Variants in HIVEP3 observed in about 807,000 individuals in gnomAD.
The protein encoded by HIVEP3 is transcription factor HIVEP3.
HIVEP3 carries 49 observed loss-of-function variants against 152.8 expected under a neutral mutation model. That is an observed-to-expected ratio of 0.32 (90% confidence interval 0.26 to 0.41). The LOEUF is 0.41. Ranked by LOEUF, HIVEP3 falls within the 10% of genes least tolerant of loss-of-function variation. HIVEP3 has a pLI of 1.00. For missense variants in HIVEP3, 2,790 were observed against 3,103.3 expected (o/e 0.90, Z 2.40); for synonymous variants, 1,269 against 1,289.0 (o/e 0.98, Z 0.33).
intron 1 of HIVEP3, among the ~76,000 whole-genome samples, chr1:42,016,932 T>G (rs1557563417): frequency 6.6e-6 from 1 of 152,192 alleles, no homozygotes; most frequent in Admixed American, 6.5e-5. Context: ...AATGTACTGT[T>G]AGGTCAAATA....
At chr1:41,519,923 A>C (rs1368266010) in intron 6 of HIVEP3, among the ~76,000 whole-genome samples, 1 of 151,976 alleles carries the variant, frequency 6.6e-6, no homozygotes, top group Non-Finnish European at 1.5e-5. Context: ...GACGTGGATG[A>C]ATGGAAGAAT....
chr1:41,771,428 G>A (rs769273099), intron 1 of HIVEP3, among the ~76,000 whole-genome samples: 10 of 152,134 alleles, frequency 6.6e-5, no homozygotes, highest in African/African-American at 2.4e-4. Context: ...CCAAATTAAA[G>A]CTTCTCTCCT....
chr1:41,764,808 G>A (rs1026615677), intron 1 of HIVEP3, among the ~76,000 whole-genome samples: 9 of 152,134 alleles, frequency 5.9e-5, no homozygotes, highest in African/African-American at 1.7e-4. Flanking sequence ...TTGACAATCC[G>A]TCAGCTGAGT....
At chr1:41,944,211 A>G (rs1645062576) in intron 1 of HIVEP3, among the ~76,000 whole-genome samples, 1 of 152,240 alleles carries the variant, frequency 6.6e-6, no homozygotes, top group Non-Finnish European at 1.5e-5. Flanking sequence ...ACCAGGTTGC[A>G]CAATATGAAG....
At chr1:41,804,895 T>A (rs1158459726) in intron 1 of HIVEP3, among the ~76,000 whole-genome samples, 1 of 152,054 alleles carries the variant, frequency 6.6e-6, no homozygotes, top group Non-Finnish European at 1.5e-5. Context: ...GGTAAGTAGT[T>A]ACAGGAAAAA....
intron 1 of HIVEP3, among the ~76,000 whole-genome samples, chr1:41,742,048 T>G (rs16828605): frequency 0.025 from 3,769 of 152,310 alleles, 156 homozygotes; most frequent in African/African-American, 0.086. Context: ...GACTTGTAGT[T>G]TAGCCCTGAA....
chr1:41,737,191 CT>C (rs1646931012), intron 1 of HIVEP3, among the ~76,000 whole-genome samples: 1 of 152,184 alleles, frequency 6.6e-6, no homozygotes, highest in Non-Finnish European at 1.5e-5. Flanking sequence ...GCTACGTGGG[CT>C]CAGAAAAGCT....
At chr1:41,759,915 A>G (rs1370406146) in intron 1 of HIVEP3, among the ~76,000 whole-genome samples, 1 of 152,206 alleles carries the variant, frequency 6.6e-6, no homozygotes, top group African/African-American at 2.4e-5. Flanking sequence ...GTGCCATATT[A>G]GAGTAGTAGG....
chr1:41,787,455 C>G (rs931974465), intron 1 of HIVEP3, among the ~76,000 whole-genome samples: 3 of 152,142 alleles, frequency 2.0e-5, no homozygotes, highest in Admixed American at 6.5e-5. Flanking sequence ...ACTTACGCCC[C>G]TTCCATGCAC....
intron 1 of HIVEP3, among the ~76,000 whole-genome samples, chr1:41,768,338 G>A (rs538600697): frequency 3.5e-4 from 54 of 152,222 alleles, no homozygotes; most frequent in African/African-American, 1.3e-3. Context: ...ATTCACTATC[G>A]CAAGAAGAGC....
rs1454681290 is a variant in HIVEP3, at chr1:41,895,323, C to T, written c.-801+23090G>A. On this transcript the variant is annotated intron_variant, in intron 1 of 8. Coordinates refer to ENST00000372583, the MANE Select transcript of HIVEP3 (RefSeq NM_024503.5). ...GTCTCCCTGCACATAAACTCATCTC[C>T]CCCTACACACTCCACGTGGTCTGGC... Among the ~76,000 whole-genome samples, 3 of 152,306 alleles carry T rather than the reference C, an allele frequency of 2.0e-5. No individual in the cohort carries two copies. In the East Asian group the frequency reaches 5.8e-4, roughly 29 times the overall value.
chr1:41,686,432 C>T (rs541509023), intron 2 of HIVEP3, among the ~76,000 whole-genome samples: 6 of 152,210 alleles, frequency 3.9e-5, no homozygotes, highest in South Asian at 2.1e-4. Flanking sequence ...ATGGGCCCAT[C>T]GATGTTCAAG....
chr1:41,640,307 G>A (rs910096371), intron 2 of HIVEP3, among the ~76,000 whole-genome samples: 3 of 152,136 alleles, frequency 2.0e-5, no homozygotes, highest in East Asian at 1.9e-4. Flanking sequence ...GGTGTGGGAG[G>A]AGCAGTGAGG....
chr1:41,740,933 T>C (rs1430270824), intron 1 of HIVEP3, among the ~76,000 whole-genome samples: 1 of 152,056 alleles, frequency 6.6e-6, no homozygotes, highest in Non-Finnish European at 1.5e-5. Flanking sequence ...GGGGCTCAGT[T>C]TCCTGTGTCT....
intron 1 of HIVEP3, among the ~76,000 whole-genome samples, chr1:41,961,460 C>T (rs543413168): frequency 3.9e-5 from 6 of 152,398 alleles, no homozygotes; most frequent in African/African-American, 9.6e-5. Flanking sequence ...ATAGCACTTG[C>T]ATCTTGTATT....
intron 1 of HIVEP3, among the ~76,000 whole-genome samples, chr1:41,708,877 C>T (rs1057007254): frequency 2.0e-5 from 3 of 152,164 alleles, no homozygotes; most frequent in African/African-American, 7.2e-5. Flanking sequence ...TTGGAGGCTG[C>T]TTTTATTGGG....
At chr1:42,000,772 A>G (rs571423296) in intron 1 of HIVEP3, among the ~76,000 whole-genome samples, 1 of 152,212 alleles carries the variant, frequency 6.6e-6, no homozygotes, top group Admixed American at 6.5e-5. Context: ...AAAATGGAAG[A>G]CTCTATTGAA....
At chr1:41,690,767 A>C (rs1407623044) in intron 2 of HIVEP3, among the ~76,000 whole-genome samples, 1 of 152,036 alleles carries the variant, frequency 6.6e-6, no homozygotes, top group African/African-American at 2.4e-5. Context: ...AAAATACAAA[A>C]ATTAGCCAGG....
At chr1:42,007,946 A>G (rs144455549) in intron 1 of HIVEP3, among the ~76,000 whole-genome samples, 2 of 152,204 alleles carry the variant, frequency 1.3e-5, no homozygotes, top group Admixed American at 1.3e-4. Flanking sequence ...TCATAACTCG[A>G]ATGCACTTAC....
Sources: gnomAD v4.1 joint callset for allele counts (sites outside exome capture counted in the v4.1 genomes callset) on GRCh38, gnomAD v4.1.1 for gene constraint, MANE v1.5 for transcripts, NCBI Gene and HGNC (gene_info 2026-07-23, HGNC 2026-07-21) for gene names.